HELZ: variants seen among roughly 807,000 people sequenced by gnomAD.
The protein encoded by HELZ is helicase with zinc finger.
In HELZ, 23 loss-of-function variants were observed where a neutral mutation model predicts 218.2. The observed-to-expected ratio is 0.11, with a 90% CI of 0.08 to 0.15. The LOEUF (loss-of-function observed/expected upper bound fraction) is 0.15, where lower values mean the gene tolerates loss of function less well. Among genes scored for constraint, HELZ ranks in the 10% least tolerant of loss-of-function variants. The pLI is 1.00. For missense variants in HELZ, 1,813 were observed against 2,353.7 expected (o/e 0.77, Z 4.75); for synonymous variants, 814 against 829.4 (o/e 0.98, Z 0.32).
chr17:67,245,247 G>A, upstream of HELZ: 1 of 968,082 alleles, frequency 1.0e-6, no homozygotes, highest in Non-Finnish European at 1.2e-6. Context: ...CCCGGCCCCC[G>A]ACTCCCGCCT....
intron 32 of HELZ, among the ~76,000 whole-genome samples, chr17:67,084,864 A>T (rs2036315812): frequency 6.6e-6 from 1 of 152,156 alleles, no homozygotes; most frequent in Non-Finnish European, 1.5e-5. Flanking sequence ...TCACACCTGT[A>T]ATCTCAGAAC....
At chr17:67,193,474 T>C (rs879330408) in intron 9 of HELZ, among the ~76,000 whole-genome samples, 1 of 152,198 alleles carries the variant, frequency 6.6e-6, no homozygotes, top group East Asian at 1.9e-4. Context: ...TCCCAGCACT[T>C]TGGGAGGCCA....
At chr17:67,106,663 C>T (rs1164523737) in intron 31 of HELZ, among the ~76,000 whole-genome samples, 1 of 152,138 alleles carries the variant, frequency 6.6e-6, no homozygotes, top group Non-Finnish European at 1.5e-5. Context: ...CTTAGTTTAG[C>T]ACAGTCAATT....
chr17:67,192,160 C>A (rs1396205602), intron 9 of HELZ, among the ~76,000 whole-genome samples: 1 of 151,992 alleles, frequency 6.6e-6, no homozygotes, highest in Non-Finnish European at 1.5e-5. Flanking sequence ...CGAGATCATG[C>A]CATTGCACTC....
chr17:67,193,388 A>G (rs2039947249), intron 9 of HELZ, among the ~76,000 whole-genome samples: 1 of 151,788 alleles, frequency 6.6e-6, no homozygotes, highest in African/African-American at 2.4e-5. Context: ...AAGGACAGAA[A>G]TTAAGTTCAG....
At chr17:67,097,977 T>C (rs916915194) in intron 31 of HELZ, among the ~76,000 whole-genome samples, 1 of 152,146 alleles carries the variant, frequency 6.6e-6, no homozygotes, top group African/African-American at 2.4e-5. Context: ...ATTTGAGCAG[T>C]CAAACATTTA....
chr17:67,105,011 T>C (rs2037056829), intron 31 of HELZ, among the ~76,000 whole-genome samples: 1 of 152,122 alleles, frequency 6.6e-6, no homozygotes, highest in Non-Finnish European at 1.5e-5. Context: ...TGGGCGCCTG[T>C]AGTCCCAGCT....
chr17:67,195,828 G>A (rs1196884422), intron 7 of HELZ, among the ~76,000 whole-genome samples: 1 of 119,902 alleles, frequency 8.3e-6, no homozygotes, highest in Non-Finnish European at 1.8e-5. Flanking sequence ...GATTACAGAG[G>A]TTTCTTTTCC....
intron 7 of HELZ, among the ~76,000 whole-genome samples, chr17:67,197,668 T>C (rs1445213649): frequency 6.6e-6 from 1 of 152,174 alleles, no homozygotes; most frequent in African/African-American, 2.4e-5. Flanking sequence ...TATCCCAAGA[T>C]GAAATCTGGA....
chr17:67,211,421 G>A (rs1012877918), intron 5 of HELZ, among the ~76,000 whole-genome samples: 2 of 152,130 alleles, frequency 1.3e-5, no homozygotes, highest in African/African-American at 4.8e-5. Flanking sequence ...TAAATGTCAT[G>A]ATGTCTTTAA....
intron 20 of HELZ, 112 bp downstream of exon 20, chr17:67,148,457 C>A: frequency 1.3e-6 from 1 of 798,136 alleles, no homozygotes; most frequent in Non-Finnish European, 1.9e-6. Flanking sequence ...AGACTAGGGA[C>A]ACTATGTAAG....
chr17:67,186,655 T>C (rs2144271407), intron 12 of HELZ, among the ~76,000 whole-genome samples: 1 of 152,290 alleles, frequency 6.6e-6, no homozygotes, highest in East Asian at 1.9e-4. Context: ...TAATTAAATA[T>C]TTTACTAACT....
chr17:67,117,538 G>A (rs891898229), intron 27 of HELZ, among the ~76,000 whole-genome samples: 1 of 150,846 alleles, frequency 6.6e-6, no homozygotes, highest in Non-Finnish European at 1.5e-5. Context: ...TGCAAAGACT[G>A]TATATACTGA....
chr17:67,124,831 G>A (rs897052652), intron 24 of HELZ, among the ~76,000 whole-genome samples: 83 of 152,050 alleles, frequency 5.5e-4, no homozygotes, highest in African/African-American at 1.8e-3. Flanking sequence ...CATTTGGGCA[G>A]AAACAGTATT....
rs746003511 is a variant in HELZ, at chr17:67,188,763, T to C, written c.865-147A>G. 4.8e-6 allele frequency: 3 copies of C among 629,934 alleles called. No individual in the cohort carries two copies. Among genetic ancestry groups the C allele is most frequent in the Non-Finnish European group, 8.0e-6 (3 of 373,072 alleles). The allele number at this position is 629,934 out of a possible 1,614,324, so 39.0% of individuals were successfully genotyped here. On this transcript the variant is annotated intron_variant, in intron 11 of 32. Coordinates refer to ENST00000358691, the MANE Select transcript of HELZ (RefSeq NM_014877.4). This position sits in a 1 kb window ranked among gnomAD's most constrained non-coding sequence, Gnocchi z 4.1. ...TAGCCATTTAAGAAAAAAATCAGAA[T>C]GGTTTTTTAAAATCAGTTGTTAAAA... is the stretch of plus-strand genomic sequence containing the variant.
intron 27 of HELZ, among the ~76,000 whole-genome samples, chr17:67,117,148 C>T (rs1311172684): frequency 6.6e-6 from 1 of 152,214 alleles, no homozygotes; most frequent in African/African-American, 2.4e-5. Context: ...AGCCACCATG[C>T]CCGGCCCCTG....
At chr17:67,242,793 AG>A (rs1181394800) in intron 2 of HELZ, among the ~76,000 whole-genome samples, 1 of 151,500 alleles carries the variant, frequency 6.6e-6, no homozygotes, top group African/African-American at 2.4e-5. Flanking sequence ...TCCTTTCCTA[AG>A]TTTTTATTTT....
At chr17:67,223,825 T>A (rs9900598) in intron 3 of HELZ, among the ~76,000 whole-genome samples, 5,876 of 152,130 alleles carry the variant, frequency 0.039, 388 homozygotes, top group African/African-American at 0.13. Flanking sequence ...CCTATCCCTG[T>A]GAGAAACACT....
At chr17:67,101,177 A>C (rs1278447107) in intron 31 of HELZ, among the ~76,000 whole-genome samples, 3 of 152,026 alleles carry the variant, frequency 2.0e-5, no homozygotes, top group Admixed American at 1.3e-4. Flanking sequence ...AAGGAAATAA[A>C]TTAAATGAGA....
Sources: gnomAD v4.1 joint callset for allele counts (sites outside exome capture counted in the v4.1 genomes callset) on GRCh38, gnomAD v4.1.1 for gene constraint, Gnocchi (gnomAD v3.1) non-coding constraint, MANE v1.5 for transcripts, NCBI Gene and HGNC (gene_info 2026-07-23, HGNC 2026-07-21) for gene names.